Variants in SLC30A8 observed in about 807,000 individuals in gnomAD.
The protein encoded by SLC30A8 is solute carrier family 30 member 8.
SLC30A8 carries 27 observed loss-of-function variants against 36.9 expected under a neutral mutation model. That is an observed-to-expected ratio of 0.73 (90% confidence interval 0.54 to 1.01). The LOEUF is 1.01. Ranked by LOEUF, SLC30A8 falls within the 50% of genes least tolerant of loss-of-function variation. The probability of loss-of-function intolerance (pLI) is 0.00; values close to 1 mark genes in which losing one functional copy is unlikely to be tolerated. For missense variants in SLC30A8, 439 were observed against 452.0 expected (o/e 0.97, Z 0.26); for synonymous variants, 164 against 172.4 (o/e 0.95, Z 0.38).
intron 6 of SLC30A8, among the ~76,000 whole-genome samples, chr8:117,166,766 A>ATTTTTT (rs71305462): frequency 4.7e-5 from 6 of 128,672 alleles, no homozygotes; most frequent in Admixed American, 8.1e-5. Flanking sequence ...ACATTAGCTG[A>ATTTTTT]TTTTTTTTTT....
chr8:116,974,613 G>A (rs1367975809), intron 1 of SLC30A8, among the ~76,000 whole-genome samples: 2 of 152,184 alleles, frequency 1.3e-5, no homozygotes, highest in African/African-American at 4.8e-5. Flanking sequence ...TTCAACCATT[G>A]TGGAAGACAG....
intron 2 of SLC30A8, among the ~76,000 whole-genome samples, chr8:117,122,553 C>T (rs1321119577): frequency 6.6e-6 from 1 of 151,954 alleles, no homozygotes; most frequent in Non-Finnish European, 1.5e-5. Context: ...TCATTGCTTC[C>T]AAGAGCTGGG....
chr8:116,970,379 A>G (rs1211903063), intron 1 of SLC30A8, among the ~76,000 whole-genome samples: 1 of 152,216 alleles, frequency 6.6e-6, no homozygotes, highest in Non-Finnish European at 1.5e-5. Context: ...ACATTTTTTT[A>G]ATAAGTAGAA....
chr8:116,992,067 C>T (rs977440905), intron 1 of SLC30A8, among the ~76,000 whole-genome samples: 2 of 152,092 alleles, frequency 1.3e-5, no homozygotes, highest in Admixed American at 6.5e-5. Flanking sequence ...GAATATTTCA[C>T]TAGGGAGATT....
chr8:117,025,096 T>A (rs1350997549), intron 1 of SLC30A8, among the ~76,000 whole-genome samples: 1 of 152,200 alleles, frequency 6.6e-6, no homozygotes, highest in African/African-American at 2.4e-5. Flanking sequence ...GAAAACAACT[T>A]GTCAGAAATC....
intron 7 of SLC30A8, among the ~76,000 whole-genome samples, chr8:117,171,532 C>T (rs1823384731): frequency 6.6e-6 from 1 of 152,010 alleles, no homozygotes; most frequent in Non-Finnish European, 1.5e-5. Flanking sequence ...TGAGTATCTC[C>T]TATGTATAAG....
chr8:117,129,701 T>A (rs948333395), intron 2 of SLC30A8, among the ~76,000 whole-genome samples: 3 of 152,064 alleles, frequency 2.0e-5, no homozygotes, highest in African/African-American at 7.2e-5. Context: ...AAGTTTAAAA[T>A]GAAATTTTTA....
chr8:117,128,045 G>A (rs750077665), intron 2 of SLC30A8, among the ~76,000 whole-genome samples: 1 of 152,074 alleles, frequency 6.6e-6, no homozygotes, highest in African/African-American at 2.4e-5. Flanking sequence ...GCCATTAGAA[G>A]TAGGAGTTTT....
At chr8:117,092,086 G>A (rs778957248) in intron 2 of SLC30A8, among the ~76,000 whole-genome samples, 45 of 152,232 alleles carry the variant, frequency 3.0e-4, no homozygotes, top group Middle Eastern at 6.8e-3. Context: ...ATCATTAATC[G>A]TCAGTAAGTA....
chr8:117,057,309 T>C (rs1350684558), intron 2 of SLC30A8, among the ~76,000 whole-genome samples: 1 of 152,224 alleles, frequency 6.6e-6, no homozygotes, highest in Non-Finnish European at 1.5e-5. Context: ...TGATTTGGTA[T>C]ACATACATAT....
chr8:117,027,526 C>G (rs1308888831), intron 1 of SLC30A8, among the ~76,000 whole-genome samples: 3 of 152,238 alleles, frequency 2.0e-5, no homozygotes, highest in East Asian at 1.9e-4. Context: ...AATGAAGACT[C>G]TAGTTCACTG....
In SLC30A8 at chr8:117,173,254, T is replaced by C. The variant is rs1823485606; in HGVS notation, c.*573T>C. ...GAGAAGTGCTTACAACTAATTTTTA[T>C]TTACTTGTCACATTTTGGCAATAAA... On this transcript the variant is annotated 3_prime_UTR_variant, in exon 8 of 8. Transcript: ENST00000456015. The C allele has an allele frequency of 6.6e-6, 1 of 152,188 alleles. No individual in the cohort carries two copies. Among genetic ancestry groups the C allele is most frequent in the Non-Finnish European group, 1.5e-5 (1 of 68,028 alleles). 9.4% of individuals were successfully genotyped at this position (152,188 alleles called of 1,614,324 possible).
chr8:117,025,441 T>A (rs1816843627), intron 1 of SLC30A8, among the ~76,000 whole-genome samples: 1 of 152,246 alleles, frequency 6.6e-6, no homozygotes, highest in South Asian at 2.1e-4. Flanking sequence ...ATTAATGTTC[T>A]GTGGGATACA....
At chr8:116,961,097 A>G (rs1020753773) in intron 1 of SLC30A8, among the ~76,000 whole-genome samples, 1 of 152,200 alleles carries the variant, frequency 6.6e-6, no homozygotes, top group Non-Finnish European at 1.5e-5. Flanking sequence ...TTTATTAAAG[A>G]TGTAGTTGTT....
At chr8:117,128,308 G>A (rs1249315040) in intron 2 of SLC30A8, 2 of 152,076 alleles carry the variant, frequency 1.3e-5, no homozygotes, top group Non-Finnish European at 2.9e-5. Context: ...AGAGGACTAG[G>A]AGTTTCCTAG....
chr8:117,027,661 A>G (rs1816914715), intron 1 of SLC30A8, among the ~76,000 whole-genome samples: 1 of 152,170 alleles, frequency 6.6e-6, no homozygotes, highest in Non-Finnish European at 1.5e-5. Context: ...CCTGAGTTGG[A>G]TGCTAACCTA....
intron 1 of SLC30A8, among the ~76,000 whole-genome samples, chr8:117,025,730 A>T (rs1816853343): frequency 6.6e-6 from 1 of 152,136 alleles, no homozygotes; most frequent in Non-Finnish European, 1.5e-5. Flanking sequence ...TTGAAATCTT[A>T]CCTAAGCTTC....
At chr8:117,169,481 C>G (rs954376303) in intron 6 of SLC30A8, among the ~76,000 whole-genome samples, 1 of 152,124 alleles carries the variant, frequency 6.6e-6, no homozygotes, top group African/African-American at 2.4e-5. Flanking sequence ...TTTCTCAGTT[C>G]TAGCTGTTCA....
At chr8:117,085,748 T>C (rs1339059639) in intron 2 of SLC30A8, among the ~76,000 whole-genome samples, 1 of 152,170 alleles carries the variant, frequency 6.6e-6, no homozygotes, top group East Asian at 1.9e-4. Flanking sequence ...AAATTAGATC[T>C]GGAGAATTTA....
Sources: gnomAD v4.1 joint callset for allele counts (sites outside exome capture counted in the v4.1 genomes callset) on GRCh38, gnomAD v4.1.1 for gene constraint, MANE v1.5 for transcripts, NCBI Gene and HGNC (gene_info 2026-07-23, HGNC 2026-07-21) for gene names.